RPRD2: variants seen among roughly 807,000 people sequenced by gnomAD.
The protein encoded by RPRD2 is regulation of nuclear pre-mRNA domain-containing protein 2.
A neutral mutation model predicts 104.4 loss-of-function variants in RPRD2; 12 were observed. That is an observed-to-expected ratio of 0.11 (90% CI 0.07 to 0.19). The LOEUF (loss-of-function observed/expected upper bound fraction) is 0.19, where lower values mean the gene tolerates loss of function less well. Among genes scored for constraint, RPRD2 ranks in the 10% least tolerant of loss-of-function variants. The pLI, the probability that RPRD2 is intolerant of heterozygous loss-of-function variation, is 1.00. For synonymous variants in RPRD2, 714 were observed against 684.9 expected (o/e 1.04, Z -0.66); for missense variants, 1,543 against 1,790.1 (o/e 0.86, Z 2.49).
chr1:150,392,825 G>C (rs1282802479), intron 1 of RPRD2, among the ~76,000 whole-genome samples: 1 of 151,756 alleles, frequency 6.6e-6, no homozygotes, highest in African/African-American at 2.4e-5. Context: ...CTGGGCAGTA[G>C]AGCAAGACCC....
chr1:150,416,872 CAAAAAAAAA>C (rs782463847), intron 1 of RPRD2, among the ~76,000 whole-genome samples: 9 of 72,428 alleles, frequency 1.2e-4, no homozygotes, highest in African/African-American at 3.5e-4. Context: ...ACTCCATCTC[CAAAAAAAAA>C]AAAAAAAAAA....
At chr1:150,430,867 C>T (rs1665515152) in intron 2 of RPRD2, among the ~76,000 whole-genome samples, 1 of 151,452 alleles carries the variant, frequency 6.6e-6, no homozygotes, top group African/African-American at 2.4e-5. Flanking sequence ...GTGGAGGTTG[C>T]GGTGAGCTGA....
At chr1:150,426,649 G>A (rs1395454670) in intron 2 of RPRD2, among the ~76,000 whole-genome samples, 1 of 152,154 alleles carries the variant, frequency 6.6e-6, no homozygotes, top group African/African-American at 2.4e-5. Context: ...TACACAGTGA[G>A]GTACTTTCAA....
At chr1:150,456,099 G>T (rs1304017586) in intron 7 of RPRD2, among the ~76,000 whole-genome samples, 1 of 152,072 alleles carries the variant, frequency 6.6e-6, no homozygotes, top group African/African-American at 2.4e-5. Context: ...CCAAAGTGCT[G>T]AGATTACAGA....
chr1:150,428,401 C>T (rs587649954), intron 2 of RPRD2, among the ~76,000 whole-genome samples: 15 of 141,208 alleles, frequency 1.1e-4, no homozygotes, highest in African/African-American at 2.4e-4. Context: ...TGCAGTGAGC[C>T]GAGATTGCAC....
At chr1:150,383,306 G>GGTTTTTTTTTTTTTTTTTT (rs1553881150) in intron 1 of RPRD2, among the ~76,000 whole-genome samples, 1 of 126,740 alleles carries the variant, frequency 7.9e-6, no homozygotes, top group Non-Finnish European at 1.6e-5. Context: ...CAAATAAGAG[G>GGTTTTTTTTTTTTTTTTTT]TTTTTTTTTT....
At chr1:150,427,348 C>G (rs1192141166) in intron 2 of RPRD2, among the ~76,000 whole-genome samples, 2 of 151,982 alleles carry the variant, frequency 1.3e-5, no homozygotes, top group African/African-American at 2.4e-5. Context: ...TAGCGCGTGC[C>G]TGTAGTCCTA....
chr1:150,408,730 G>A (rs1449901152), intron 1 of RPRD2, among the ~76,000 whole-genome samples: 1 of 152,140 alleles, frequency 6.6e-6, no homozygotes, highest in African/African-American at 2.4e-5. Context: ...ACGTAATATG[G>A]ATGCACCTTT....
chr1:150,471,278 G>A lies in RPRD2; in HGVS notation c.2330G>A (p.Ser777Asn), dbSNP rs1668571429. 1.9e-6 allele frequency: 3 copies of A among 1,613,640 alleles called. No individual in the cohort carries two copies. The highest frequency in any genetic ancestry group is 2.5e-6 in the Non-Finnish European group (3 of 1,179,806). ...TRSPPPGRDE[S>N]YPRELSNSVS... Reference sequence around the variant, plus strand: ...TCACCACCCCCTGGGAGAGATGAAAGCTACCCCCGAGAGCTCTCCAATTCT... The same window carrying A: ...TCACCACCCCCTGGGAGAGATGAAAACTACCCCCGAGAGCTCTCCAATTCT... The change falls in exon 11 of 11, where the codon AGC (serine) becomes AAC (asparagine). Residue 777 changes from serine to asparagine, a missense_variant. Around this residue, in one of 4 missense-constraint regions of RPRD2, gnomAD observed 880 missense variants for 885.6 expected, o/e 0.99. Transcript: ENST00000369068. This position sits in a 1 kb window ranked among gnomAD's most constrained non-coding sequence, Gnocchi z 5.3.
intron 1 of RPRD2, among the ~76,000 whole-genome samples, chr1:150,383,931 A>G (rs1177180364): frequency 2.0e-5 from 3 of 152,148 alleles, no homozygotes; most frequent in Admixed American, 6.6e-5. Context: ...GTGAACAAAA[A>G]TAACAGTACA....
chr1:150,406,674 C>T (rs1169953833), intron 1 of RPRD2, among the ~76,000 whole-genome samples: 6 of 152,158 alleles, frequency 3.9e-5, no homozygotes, highest in Admixed American at 3.9e-4. Context: ...GCTGGTATTA[C>T]AGGAATGCGC....
At chr1:150,448,591 A>C (rs1351959139) in intron 7 of RPRD2, among the ~76,000 whole-genome samples, 1 of 152,100 alleles carries the variant, frequency 6.6e-6, no homozygotes, top group Non-Finnish European at 1.5e-5. Context: ...TTACATTATA[A>C]CTCTGTAAAC....
At chr1:150,448,781 G>A (rs1666968254) in intron 7 of RPRD2, among the ~76,000 whole-genome samples, 2 of 151,820 alleles carry the variant, frequency 1.3e-5, no homozygotes, top group African/African-American at 2.4e-5. Flanking sequence ...TTCATTTTCC[G>A]TCCCCAGTTT....
intron 10 of RPRD2, among the ~76,000 whole-genome samples, chr1:150,469,924 A>G (rs1668495910): frequency 6.6e-6 from 1 of 152,174 alleles, no homozygotes; most frequent in African/African-American, 2.4e-5. Context: ...TTATAGCTAC[A>G]TTTTACAACC....
At chr1:150,383,990 G>A (rs868942740) in intron 1 of RPRD2, among the ~76,000 whole-genome samples, 2 of 152,124 alleles carry the variant, frequency 1.3e-5, no homozygotes, top group Non-Finnish European at 2.9e-5. Context: ...TGATAGTTTA[G>A]GGTTTCACTG....
chr1:150,384,640 TG>T, intron 1 of RPRD2, among the ~76,000 whole-genome samples: 1 of 6,282 alleles, frequency 1.6e-4, no homozygotes. Context: ...CTGGCTAATT[TG>T]TGTGTGTGTG....
intron 1 of RPRD2, among the ~76,000 whole-genome samples, chr1:150,387,943 C>G (rs1429704589): frequency 1.2e-5 from 1 of 84,714 alleles, no homozygotes; most frequent in African/African-American, 5.0e-5. Flanking sequence ...GAGACAGTGT[C>G]TCTCACTCTG....
intron 2 of RPRD2, among the ~76,000 whole-genome samples, chr1:150,428,191 T>C (rs1351485018): frequency 2.6e-5 from 4 of 151,822 alleles, no homozygotes; most frequent in African/African-American, 9.7e-5. Context: ...TCGCCGGGCG[T>C]GGTGGCTCCC....
At chr1:150,453,135 C>G (rs1667311590) in intron 7 of RPRD2, among the ~76,000 whole-genome samples, 1 of 151,574 alleles carries the variant, frequency 6.6e-6, no homozygotes, top group African/African-American at 2.4e-5. Flanking sequence ...CGGGTTCAAG[C>G]GATTCTCCTG....
Sources: allele counts gnomAD v4.1 joint callset (sites outside exome capture counted in the v4.1 genomes callset), GRCh38; gene constraint gnomAD v4.1.1; regional missense constraint gnomAD v4.1.1; non-coding constraint Gnocchi (gnomAD v3.1); transcripts MANE v1.5; gene names NCBI Gene and HGNC (gene_info 2026-07-23, HGNC 2026-07-21).